Variants in CDK9 observed in about 807,000 individuals in gnomAD.
The protein encoded by CDK9 is cyclin-dependent kinase 9.
In CDK9, 34 loss-of-function variants were observed where a neutral mutation model predicts 39.0. That is an observed-to-expected ratio of 0.87 (90% CI 0.66 to 1.16). The LOEUF is 1.16. CDK9 is among the 50% of genes most tolerant of loss of function. The pLI is 0.00. For synonymous variants in CDK9, 233 were observed against 196.2 expected, an observed-to-expected ratio of 1.19 and a Z score of -1.57; for missense variants, 369 against 503.2, an observed-to-expected ratio of 0.73 and a Z score of 2.55.
intron 2 of CDK9, 106 bp downstream of exon 2, chr9:127,786,888 T>C: frequency 1.2e-6 from 1 of 850,646 alleles, no homozygotes; most frequent in East Asian, 2.6e-5. Context: ...TTTAATTTTT[T>C]TGTAGTAGTT....
chr9:127,788,313 A>C lies in CDK9; in HGVS notation c.532A>C (p.Lys178Gln). ...GCTGGCCCGGGCCTTCAGCCTGGCC[A>C]AGAACAGCCAGCCCAACCGCTACAC... The part of the protein sequence containing the change: ...FGLARAFSLA[K>Q]NSQPNRYTNR... The change falls in exon 5 of 7, where the codon AAG becomes CAG. Residue 178 changes from lysine to glutamine, a missense_variant. By Grantham distance (53) the Lys-to-Gln change is moderately conservative. Transcript: ENST00000373264. 1 of 1,612,984 alleles carries C rather than the reference A, an allele frequency of 6.2e-7. No individual in the cohort carries two copies.
intron 5 of CDK9, 32 bp downstream of exon 5, chr9:127,788,417 A>G (rs1375303430): frequency 1.3e-6 from 2 of 1,595,066 alleles, no homozygotes; most frequent in South Asian, 2.2e-5. Flanking sequence ...AAGGGGGGTG[A>G]GGGCCAGGCA....
At position 127,790,564 on chromosome 9, in the gene CDK9, T is replaced by C. The variant is rs953305609; in HGVS notation, c.*1021T>C. The C allele has an allele frequency of 6.6e-6, 1 of 152,132 alleles. No individual in the cohort carries two copies. Among genetic ancestry groups the C allele is most frequent in the African/African-American group, 2.4e-5 (1 of 41,416 alleles). 9.4% of individuals were successfully genotyped at this position (152,132 alleles called of 1,614,324 possible). On this transcript the variant is annotated 3_prime_UTR_variant, in exon 7 of 7. Transcript: ENST00000373264. ...AGAAAAAAACAGACTGAAGGTAGAA[T>C]CCTTGGGAACCTTTGAGGAGCGGCA...
chr9:127,788,955 G>A (rs1286282146), intron 6 of CDK9, among the ~76,000 whole-genome samples: 1 of 152,170 alleles, frequency 6.6e-6, no homozygotes, highest in Non-Finnish European at 1.5e-5. Context: ...GAAATGTGAC[G>A]TGTATCAGGG....
At position 127,786,084 on chromosome 9, in the gene CDK9, C is replaced by G; in HGVS notation, c.-65C>G. On this transcript the variant is annotated 5_prime_UTR_variant, in exon 1 of 7. Coordinates refer to ENST00000373264, the MANE Select transcript of CDK9 (RefSeq NM_001261.4). Reference sequence around the variant, plus strand: ...GGAGGGGCCTGGAGTGCGGCGGCGGCGGGACCCGGAGCAGGAGCGGCGGCA... The same window carrying G: ...GGAGGGGCCTGGAGTGCGGCGGCGGGGGGACCCGGAGCAGGAGCGGCGGCA... 1.6e-6 allele frequency: 2 copies of G among 1,271,890 alleles called. No individual in the cohort carries two copies. Among genetic ancestry groups the G allele is most frequent in the South Asian group, 1.3e-5 (1 of 78,182 alleles). The allele number at this position is 1,271,890 out of a possible 1,614,324, so 78.8% of individuals were successfully genotyped here. A position where few individuals can be genotyped will look rare whatever the true frequency, so the allele number is the denominator to read the frequency against.
At position 127,787,398 on chromosome 9, in the gene CDK9, A is replaced by G. The variant is rs1282362903; in HGVS notation, c.175-120A>G. 6.2e-6 allele frequency: 4 copies of G among 643,724 alleles called. No homozygotes were observed. The Admixed American group carries it at 7.7e-5, about 12-fold the overall frequency. 39.9% of individuals were successfully genotyped at this position (643,724 alleles called of 1,614,324 possible). A position where few individuals can be genotyped will look rare whatever the true frequency, so the allele number is the denominator to read the frequency against. On this transcript the variant is annotated intron_variant, in intron 2 of 6. Transcript: ENST00000373264. ...CCATTTTATAGACAAGGCTTCTGAG[A>G]CAGCTGGTTTCAGAGCCCATGATCT...
chr9:127,787,031 T>G (rs1349066965), intron 2 of CDK9, among the ~76,000 whole-genome samples: 1 of 152,228 alleles, frequency 6.6e-6, no homozygotes, highest in Admixed American at 6.5e-5. Flanking sequence ...AGGAAGCCTT[T>G]AAACACCTTT....
intron 2 of CDK9, among the ~76,000 whole-genome samples, chr9:127,787,201 A>G (rs7038902): frequency 0.039 from 5,999 of 152,226 alleles, 395 homozygotes; most frequent in African/African-American, 0.14. Flanking sequence ...CTTTTGCGTA[A>G]TGTGCATTAG....
chr9:127,788,824 G>A (rs1829378613), intron 6 of CDK9, 132 bp downstream of exon 6: 3 of 896,016 alleles, frequency 3.3e-6, no homozygotes, highest in Non-Finnish European at 5.0e-6. Flanking sequence ...TCTTGGGGTG[G>A]GGAGTGTGTG....
chr9:127,786,633 T>G, intron 1 of CDK9, 68 bp from the exon 2 acceptor site: 89 of 1,324,690 alleles, frequency 6.7e-5, no homozygotes, highest in Non-Finnish European at 8.5e-5. Flanking sequence ...CCTCCTCCTG[T>G]AGTGGGGGAG....
In CDK9 at chr9:127,789,352, C is replaced by T. The variant is rs1461954326; in HGVS notation, c.928C>T (p.Leu310Phe). ...PAQRIDSDDA[L>F]NHDFFWSDPM... ...CCAGCGCATCGACAGCGATGACGCCCTCAACCACGACTTCTTCTGGTCCGA... is the reference window on the plus strand; with the variant it reads ...CCAGCGCATCGACAGCGATGACGCCTTCAACCACGACTTCTTCTGGTCCGA... Residue 310 changes from leucine to phenylalanine, a missense_variant, in exon 7 of 7, where the codon CTC (leucine) becomes TTC (phenylalanine). By Grantham distance (22) the Leu-to-Phe change is conservative (BLOSUM62 0). Coordinates refer to ENST00000373264, the MANE Select transcript of CDK9 (RefSeq NM_001261.4). This position sits in a 1 kb window ranked among gnomAD's most constrained non-coding sequence, Gnocchi z 5.2. 6 of 1,614,038 alleles carry T rather than the reference C, an allele frequency of 3.7e-6. No homozygotes were observed.
chr9:127,789,681 G>T lies in CDK9; in HGVS notation c.*138G>T, dbSNP rs1829394176. 4 of 1,133,002 alleles carry T rather than the reference G, an allele frequency of 3.5e-6. No homozygotes were observed. The highest frequency in any genetic ancestry group is 4.9e-6 in the Non-Finnish European group (4 of 814,716). 70.2% of individuals were successfully genotyped at this position (1,133,002 alleles called of 1,614,324 possible). A position where few individuals can be genotyped will look rare whatever the true frequency, so the allele number is the denominator to read the frequency against. On this transcript the variant is annotated 3_prime_UTR_variant, in exon 7 of 7. Coordinates refer to ENST00000373264, the MANE Select transcript of CDK9 (RefSeq NM_001261.4). The surrounding 1 kb of genome is among the most constrained non-coding windows in gnomAD (Gnocchi z 5.2). The stretch of plus-strand genomic sequence containing the variant: ...CCACCCTGGGCTCTGGGAGCAGCCC[G>T]CTGAGTGGACTGGAGTGGAGCATTG...
In CDK9 at chr9:127,790,301, AT is replaced by A. The variant is rs1425807164; in HGVS notation, c.*759del. 6.6e-6 allele frequency: 1 copy of A among 152,164 alleles called. No homozygotes were observed. Among genetic ancestry groups the A allele is most frequent in the Non-Finnish European group, 1.5e-5 (1 of 68,052 alleles). 9.4% of individuals were successfully genotyped at this position (152,164 alleles called of 1,614,324 possible). A position where few individuals can be genotyped will look rare whatever the true frequency, so the allele number is the denominator to read the frequency against. On this transcript the variant is annotated 3_prime_UTR_variant, in exon 7 of 7. Coordinates refer to ENST00000373264, the MANE Select transcript of CDK9 (RefSeq NM_001261.4). ...TTGGGTGCCTTCCAGAACGCATCTC[AT>A]GTCCCTGGTGAGGGAATTGGTGAGG...
rs999335968 is a variant in CDK9 at position 127,789,073 on chromosome 9, C to T, written c.754-105C>T. ...AGGGGTCGAGTAGCAGTCTGGGAGC[C>T]TCCGAGTGGAGCAGGTATTTTAGTC... On this transcript the variant is annotated intron_variant, in intron 6 of 6. Transcript: ENST00000373264. The surrounding 1 kb of genome is among the most constrained non-coding windows in gnomAD (Gnocchi z 5.2). The T allele has an allele frequency of 5.2e-5, 73 of 1,415,816 alleles. No individual in the cohort carries two copies. Among genetic ancestry groups the T allele is most frequent in the Non-Finnish European group, 6.7e-5 (71 of 1,058,882 alleles). The allele number at this position is 1,415,816 out of a possible 1,614,324, so 87.7% of individuals were successfully genotyped here.
chr9:127,787,450 G>T, intron 2 of CDK9, 68 bp from the exon 3 acceptor site: 1 of 1,093,628 alleles, frequency 9.1e-7, no homozygotes, highest in South Asian at 1.3e-5. Context: ...TTGGCTGTCA[G>T]TACAGACCCC....
Position 127,789,379 on chromosome 9 carries a change from C to G in CDK9, c.955C>G (p.Pro319Ala). Residue 319 changes from proline to alanine, a missense_variant, in exon 7 of 7, where the codon CCC becomes GCC. Pro to Ala is a conservative substitution (Grantham distance 27). Coordinates refer to ENST00000373264, the MANE Select transcript of CDK9 (RefSeq NM_001261.4). The surrounding 1 kb of genome is among the most constrained non-coding windows in gnomAD (Gnocchi z 5.2). ...CAACCACGACTTCTTCTGGTCCGAC[C>G]CCATGCCCTCCGACCTCAAGGGCAT... Reference protein sequence around the residue: ...ALNHDFFWSDPMPSDLKGMLS... With the variant: ...ALNHDFFWSDAMPSDLKGMLS... The G allele has an allele frequency of 6.2e-7, 1 of 1,614,024 alleles. No homozygotes were observed. The highest frequency in any genetic ancestry group is 8.5e-7 in the Non-Finnish European group (1 of 1,180,036).
chr9:127,788,403 G>A lies in CDK9; in HGVS notation c.604+18G>A. ...GTTGCTCGGTGAGGACTCCCGAGCG[G>A]GCCAAGGGGGGTGAGGGCCAGGCAT... On this transcript the variant is annotated intron_variant, in intron 5 of 6. Coordinates refer to ENST00000373264, the MANE Select transcript of CDK9 (RefSeq NM_001261.4). The A allele has an allele frequency of 6.2e-7, 1 of 1,604,142 alleles. No individual in the cohort carries two copies. The highest frequency in any genetic ancestry group is 1.1e-5 in the South Asian group (1 of 90,512).
At chr9:127,786,281 A>AGG in intron 1 of CDK9, 41 bp downstream of exon 1, 1 of 1,524,910 alleles carries the variant, frequency 6.6e-7, no homozygotes, top group Non-Finnish European at 9.0e-7. Flanking sequence ...CTGGGCCTGC[A>AGG]CCCCTAGGGC....
rs779011982 is a variant in CDK9 at position 127,786,073 on chromosome 9, T to C, written c.-76T>C. The stretch of plus-strand genomic sequence containing the variant: ...GGCGCGGCCGCGGAGGGGCCTGGAG[T>C]GCGGCGGCGGCGGGACCCGGAGCAG... On this transcript the variant is annotated 5_prime_UTR_variant, in exon 1 of 7. Transcript: ENST00000373264. The C allele has an allele frequency of 2.1e-5, 23 of 1,092,364 alleles. No individual in the cohort carries two copies. In the African/African-American group the frequency reaches 2.8e-4, roughly 13 times the overall value. The allele number at this position is 1,092,364 out of a possible 1,614,324, so 67.7% of individuals were successfully genotyped here. A position where few individuals can be genotyped will look rare whatever the true frequency, so the allele number is the denominator to read the frequency against.
Sources: gnomAD v4.1 joint callset for allele counts (sites outside exome capture counted in the v4.1 genomes callset) on GRCh38, gnomAD v4.1.1 for gene constraint, Gnocchi (gnomAD v3.1) non-coding constraint, MANE v1.5 for transcripts, NCBI Gene and HGNC (gene_info 2026-07-23, HGNC 2026-07-21) for gene names.